USP42: variants seen among roughly 807,000 people sequenced by gnomAD.
USP42 encodes the protein ubiquitin carboxyl-terminal hydrolase 42.
Under a neutral mutation model 113.0 loss-of-function variants are expected in USP42, and 23 were observed. That is an observed-to-expected ratio of 0.20 (90% confidence interval 0.15 to 0.29). The LOEUF is 0.29. USP42 is among the 10% of genes least tolerant of loss of function. The pLI, the probability that USP42 is intolerant of heterozygous loss-of-function variation, is 1.00. For synonymous variants in USP42, 933 were observed against 699.0 expected (o/e 1.33, Z -5.28); for missense variants, 2,174 against 1,779.8 (o/e 1.22, Z -3.99).
At chr7:6,147,679 A>G in intron 11 of USP42, 60 bp from the exon 12 acceptor site, 1 of 1,487,642 alleles carries the variant, frequency 6.7e-7, no homozygotes, top group Non-Finnish European at 9.0e-7. Context: ...GACTTTGTAA[A>G]TGAATCTCTC....
upstream of USP42, among the ~76,000 whole-genome samples, chr7:6,101,904 C>T (rs1790137894): frequency 6.8e-6 from 1 of 147,160 alleles, no homozygotes; most frequent in Non-Finnish European, 1.5e-5. Flanking sequence ...CATGGTGAAA[C>T]CCCATCTCTA....
At chr7:6,143,412 C>G (rs1464090487) in intron 8 of USP42, among the ~76,000 whole-genome samples, 1 of 152,074 alleles carries the variant, frequency 6.6e-6, no homozygotes, top group Non-Finnish European at 1.5e-5. Context: ...GATAGGGAGG[C>G]TCCTTCTCTC....
At chr7:6,085,624 A>ATAT in the USP42 span, among the ~76,000 whole-genome samples, 7 of 138,334 alleles carry the variant, frequency 5.1e-5, no homozygotes, top group South Asian at 8.7e-4. Flanking sequence ...ATATATATAT[A>ATAT]TTTTTTTTGA....
intron 3 of USP42, among the ~76,000 whole-genome samples, chr7:6,130,721 CTT>C (rs1780805724): frequency 6.6e-6 from 1 of 152,066 alleles, no homozygotes; most frequent in Non-Finnish European, 1.5e-5. Context: ...GTTTTAATGT[CTT>C]TTGTATTCTT....
chr7:6,141,128 C>A, intron 7 of USP42, 144 bp downstream of exon 7: 2 of 420,276 alleles, frequency 4.8e-6, no homozygotes, highest in African/African-American at 2.1e-5. Context: ...AGGAATTATT[C>A]AAGCTTTGTA....
At chr7:6,108,465 A>T (rs1201042014) in intron 1 of USP42, among the ~76,000 whole-genome samples, 1 of 152,090 alleles carries the variant, frequency 6.6e-6, no homozygotes, top group Non-Finnish European at 1.5e-5. Context: ...CATGGGTAGT[A>T]CTTTTTTGTA....
At position 6,142,320 on chromosome 7, in the gene USP42, G is replaced by A. The variant is rs372922724; in HGVS notation, c.796-612G>A. 1.3e-4 allele frequency among the ~76,000 whole-genome samples: 20 copies of A among 151,510 alleles called. No homozygotes were observed. The East Asian group carries it at 2.1e-3, about 16-fold the overall frequency. On this transcript the variant is annotated intron_variant, in intron 7 of 17. Coordinates refer to ENST00000306177, the MANE Select transcript of USP42 (RefSeq NM_032172.3). Reference sequence around the variant, plus strand: ...CAACCTCCACCTCCTGGGTTCAGGCGATTCTTCTGCCTCAACCTCCCAAGT... The same window carrying A: ...CAACCTCCACCTCCTGGGTTCAGGCAATTCTTCTGCCTCAACCTCCCAAGT...
chr7:6,109,916 G>A (rs1347791412), intron 1 of USP42, among the ~76,000 whole-genome samples: 3 of 151,100 alleles, frequency 2.0e-5, no homozygotes, highest in Non-Finnish European at 4.4e-5. Flanking sequence ...GGCCAGACTG[G>A]TCTCAAACGC....
intron 3 of USP42, among the ~76,000 whole-genome samples, chr7:6,124,125 C>A (rs747715423): frequency 1.3e-5 from 2 of 152,082 alleles, no homozygotes; most frequent in African/African-American, 4.8e-5. Context: ...ATCTGCCTGC[C>A]TCAGTCTCCC....
Position 6,156,840 on chromosome 7 carries a change from A to G in USP42, c.3728A>G (p.His1243Arg), listed in dbSNP as rs764146440. 1 of 1,609,514 alleles carries G rather than the reference A, an allele frequency of 6.2e-7. No homozygotes were observed. The highest frequency in any genetic ancestry group is 8.5e-7 in the Non-Finnish European group (1 of 1,178,862). The change falls in exon 16 of 18, where the codon CAT becomes CGT. Residue 1243 changes from histidine (H) to arginine (R), a missense_variant. By Grantham distance (29) the His-to-Arg change is conservative. Coordinates refer to ENST00000306177, the MANE Select transcript of USP42 (RefSeq NM_032172.3). Reference protein sequence around the residue: ...HKKKKKKKKRHSRKSEDFVKD... With the variant: ...HKKKKKKKKRRSRKSEDFVKD... ...AAAAAGAAGAAGAAAAAGAAGAGAC[A>G]TTCAAGAAAATCAGAGGACTTTGTT... is the stretch of plus-strand genomic sequence containing the variant.
intron 14 of USP42, among the ~76,000 whole-genome samples, chr7:6,152,367 A>G (rs1782114933): frequency 1.3e-5 from 2 of 152,220 alleles, no homozygotes; most frequent in African/African-American, 4.8e-5. Flanking sequence ...CCTTCCTGGA[A>G]ACGTCAGTGT....
chr7:6,155,326 A>T (rs1014420276), intron 15 of USP42, 131 bp downstream of exon 15: 1 of 1,382,500 alleles, frequency 7.2e-7, no homozygotes, highest in African/African-American at 1.5e-5. Flanking sequence ...TGTGTCTTTC[A>T]TTTCTGTGGG....
chr7:6,122,464 TTTTGTTTGTTTG>T lies in USP42; in HGVS notation c.442+6953_442+6964del, dbSNP rs375914959. On this transcript the variant is annotated intron_variant, in intron 3 of 17. Transcript: ENST00000306177. ...CCATGCCTTTTGTTTTGTTTTGTTTTTTTGTTTGTTTGTTTGTTTGTTTTGAGACAGAGTCTT... is the reference window on the plus strand; with the variant it reads ...CCATGCCTTTTGTTTTGTTTTGTTTTTTTGTTTGTTTTGAGACAGAGTCTT... Among the ~76,000 whole-genome samples the T allele has an allele frequency of 5.9e-5, 9 of 151,950 alleles. No individual in the cohort carries two copies. The South Asian group carries it at 1.0e-3, about 18-fold the overall frequency.
chr7:6,141,470 A>G (rs1393714656), intron 7 of USP42, among the ~76,000 whole-genome samples: 1 of 151,964 alleles, frequency 6.6e-6, no homozygotes, highest in South Asian at 2.1e-4. Flanking sequence ...TGCTGGGATT[A>G]CAGGCGTGAG....
chr7:6,153,472 A>G (rs80239108), intron 14 of USP42, among the ~76,000 whole-genome samples: 10,189 of 152,082 alleles, frequency 0.067, 591 homozygotes, highest in East Asian at 0.27. Flanking sequence ...TTCCAGAGAT[A>G]GTAGTACTAG....
intron 2 of USP42, 64 bp from the exon 3 acceptor site, chr7:6,115,259 T>TGGA: frequency 6.6e-7 from 1 of 1,512,492 alleles, no homozygotes; most frequent in Non-Finnish European, 9.1e-7. Flanking sequence ...GACCAGGTGT[T>TGGA]ACTATTTATT....
At chr7:6,090,025 C>T in the USP42 span, among the ~76,000 whole-genome samples, 54,037 of 147,850 alleles carry the variant, frequency 0.37, 11,864 homozygotes, top group Middle Eastern at 0.55. Flanking sequence ...TAGGGCCAGG[C>T]GCAGTGGCTC....
chr7:6,107,801 A>G (rs1402592172), intron 1 of USP42, among the ~76,000 whole-genome samples: 1 of 152,138 alleles, frequency 6.6e-6, no homozygotes, highest in Non-Finnish European at 1.5e-5. Context: ...TGTAAACTGT[A>G]TTTGGAGGAT....
chr7:6,111,425 C>G, intron 2 of USP42, 51 bp downstream of exon 2: 1 of 1,586,378 alleles, frequency 6.3e-7, no homozygotes, highest in South Asian at 1.1e-5. Context: ...TGTGTAAATG[C>G]TGCTGGGGCT....
Sources: gnomAD v4.1 joint callset for allele counts (sites outside exome capture counted in the v4.1 genomes callset) on GRCh38, gnomAD v4.1.1 for gene constraint, MANE v1.5 for transcripts, NCBI Gene and HGNC (gene_info 2026-07-23, HGNC 2026-07-21) for gene names.